ENPP7: variants seen among roughly 807,000 people sequenced by gnomAD.
ENPP7 encodes ectonucleotide pyrophosphatase/phosphodiesterase family member 7.
Under a neutral mutation model 33.6 loss-of-function variants are expected in ENPP7, and 39 were observed. That is an observed-to-expected ratio of 1.16 (90% CI 0.90 to 1.52). The LOEUF is 1.52. ENPP7 is among the 40% of genes most tolerant of loss of function. The pLI is 0.00. For synonymous variants in ENPP7, 244 were observed against 274.3 expected (o/e 0.89, Z 1.09); for missense variants, 594 against 641.0 (o/e 0.93, Z 0.79).
chr17:79,735,807 C>T lies in ENPP7; in HGVS notation c.1026+138C>T. 1.3e-6 allele frequency: 1 copy of T among 786,830 alleles called. No homozygotes were observed. Among genetic ancestry groups the T allele is most frequent in the Non-Finnish European group, 2.0e-6 (1 of 504,952 alleles). The allele number at this position is 786,830 out of a possible 1,614,324, so 48.7% of individuals were successfully genotyped here. ...TGGCAGGATCTCAGCTCACTGCAGC[C>T]TTAAACTCCCAGACTCAAGCGATCC... On this transcript the variant is annotated intron_variant, in intron 3 of 5. Coordinates refer to ENST00000328313, the MANE Select transcript of ENPP7 (RefSeq NM_178543.5). The surrounding 1 kb of genome is among the most constrained non-coding windows in gnomAD (Gnocchi z 5.5).
intron 1 of ENPP7, 133 bp downstream of exon 1, chr17:79,731,525 G>A (rs183487605): frequency 1.7e-6 from 2 of 1,164,518 alleles, no homozygotes; most frequent in Admixed American, 3.0e-5. Context: ...GGACCATTAG[G>A]AATCCTCACC....
At chr17:79,732,740 T>A (rs2094288814) in intron 1 of ENPP7, among the ~76,000 whole-genome samples, 1 of 152,228 alleles carries the variant, frequency 6.6e-6, no homozygotes, top group South Asian at 2.1e-4. Context: ...TTCTCTGGTA[T>A]ACATCCCCTT....
In ENPP7 at chr17:79,742,072, C is replaced by G. The variant is rs555753239; in HGVS notation, c.*295C>G. Reference sequence around the variant, plus strand: ...GCCCCCTCCTCCTGCAAAACCCGCTCCCGAAGCGGCGCTGCCGTCTGCAGC... The same window carrying G: ...GCCCCCTCCTCCTGCAAAACCCGCTGCCGAAGCGGCGCTGCCGTCTGCAGC... On this transcript the variant is annotated 3_prime_UTR_variant, in exon 6 of 6. Transcript: ENST00000328313. 1 of 450,624 alleles carries G rather than the reference C, an allele frequency of 2.2e-6. No homozygotes were observed. Among genetic ancestry groups the G allele is most frequent in the South Asian group, 9.3e-5 (1 of 10,790 alleles). 27.9% of individuals were successfully genotyped at this position (450,624 alleles called of 1,614,324 possible).
rs782383525 is a variant in ENPP7, at chr17:79,731,358, C to T, written c.219C>T (p.Thr73=). ...KARYMTPAFV[T]MTSPCHFTLV... ...GCTACATGACCCCCGCCTTTGTCAC[C>T]ATGACCAGCCCCTGCCACTTCACCC... Residue 73 remains threonine, a synonymous_variant, in exon 1 of 6, where the codon ACC becomes ACT. Transcript: ENST00000328313. 4.3e-6 allele frequency: 7 copies of T among 1,612,598 alleles called. No individual in the cohort carries two copies. Among genetic ancestry groups the T allele is most frequent in the Non-Finnish European group, 5.9e-6 (7 of 1,179,492 alleles).
At chr17:79,731,684 C>A (rs1415673003) in intron 1 of ENPP7, among the ~76,000 whole-genome samples, 1 of 152,208 alleles carries the variant, frequency 6.6e-6, no homozygotes, top group African/African-American at 2.4e-5. Flanking sequence ...CTCCCCTGCC[C>A]GCCCCTCCAG....
chr17:79,738,122 T>G lies in ENPP7; in HGVS notation c.*16+60T>G. The G allele has an allele frequency of 6.5e-7, 1 of 1,547,222 alleles. No individual in the cohort carries two copies. The highest frequency in any genetic ancestry group is 8.8e-7 in the Non-Finnish European group (1 of 1,138,214). ...CCCCACGCTCCCTGACCCTCCACCCTGATGTCCCAGCTACAGTCCTAGGCA... is the reference window on the plus strand; with the variant it reads ...CCCCACGCTCCCTGACCCTCCACCCGGATGTCCCAGCTACAGTCCTAGGCA... On this transcript the variant is annotated intron_variant, in intron 5 of 5. Coordinates refer to ENST00000328313, the MANE Select transcript of ENPP7 (RefSeq NM_178543.5). The surrounding 1 kb of genome is among the most constrained non-coding windows in gnomAD (Gnocchi z 6.2).
chr17:79,737,112 C>T lies in ENPP7; in HGVS notation c.1098C>T (p.Phe366=), dbSNP rs2094297267. The change falls in exon 4 of 6, where the codon TTC becomes TTT. Residue 366 remains phenylalanine (F), a synonymous_variant. Coordinates refer to ENST00000328313, the MANE Select transcript of ENPP7 (RefSeq NM_178543.5). This position sits in a 1 kb window ranked among gnomAD's most constrained non-coding sequence, Gnocchi z 5.5. ...AGGACATGGACATGAAGACCATCTT[C>T]CGCGCTGTGGGCCCTAGCTTCAGGG... ...DNKDMDMKTI[F]RAVGPSFRAG... 6.2e-7 allele frequency: 1 copy of T among 1,614,200 alleles called. No individual in the cohort carries two copies. Among genetic ancestry groups the T allele is most frequent in the Non-Finnish European group, 8.5e-7 (1 of 1,180,032 alleles).
intron 2 of ENPP7, among the ~76,000 whole-genome samples, chr17:79,734,516 C>T (rs1369905242): frequency 2.7e-5 from 4 of 145,480 alleles, no homozygotes; most frequent in Non-Finnish European, 6.0e-5. Context: ...CTCGCTCTGT[C>T]GCCCAGGCTG....
At position 79,737,498 on chromosome 17, in the gene ENPP7, G is replaced by A. The variant is rs2094298124; in HGVS notation, c.1246+238G>A. ...AGGAGTGGGCAGTCTTGCTCAAGAA[G>A]GGGCTGGAGGGAGCGAGGGTGGCCC... On this transcript the variant is annotated intron_variant, in intron 4 of 5. Coordinates refer to ENST00000328313, the MANE Select transcript of ENPP7 (RefSeq NM_178543.5). The surrounding 1 kb of genome is among the most constrained non-coding windows in gnomAD (Gnocchi z 5.5). 6.6e-6 allele frequency among the ~76,000 whole-genome samples: 1 copy of A among 152,136 alleles called. No homozygotes were observed. The highest frequency in any genetic ancestry group is 2.1e-4 in the South Asian group (1 of 4,834).
Position 79,741,985 on chromosome 17 carries a change from C to T in ENPP7, c.*208C>T. ...CCTCGCAGCCCAGGTCCAGAGCCCC[C>T]GGCGAGCCGGTCCCATAACCGGCCC... On this transcript the variant is annotated 3_prime_UTR_variant, in exon 6 of 6. Transcript: ENST00000328313. The T allele has an allele frequency of 2.0e-6, 2 of 983,670 alleles. No individual in the cohort carries two copies. The highest frequency in any genetic ancestry group is 2.4e-6 in the Non-Finnish European group (2 of 828,078). The allele number at this position is 983,670 out of a possible 1,614,324, so 60.9% of individuals were successfully genotyped here.
At position 79,735,071 on chromosome 17, in the gene ENPP7, C is replaced by T. The variant is rs375944593; in HGVS notation, c.428C>T (p.Pro143Leu). 9.5e-5 allele frequency: 153 copies of T among 1,612,830 alleles called. No homozygotes were observed. Among genetic ancestry groups the T allele is most frequent in the Middle Eastern group, 3.3e-4 (2 of 6,084 alleles). The stretch of plus-strand genomic sequence containing the variant: ...CTGAGGGCTGGCTCCTTCTTCTACC[C>T]GGGCGGGAACGTCACCTACCAAGGG... ...QGLRAGSFFY[P>L]GGNVTYQGVA... Residue 143 changes from proline (P) to leucine (L), a missense_variant, in exon 3 of 6, where the codon CCG (proline) becomes CTG (leucine). Transcript: ENST00000328313. The surrounding 1 kb of genome is among the most constrained non-coding windows in gnomAD (Gnocchi z 5.5).
chr17:79,737,766 C>T lies in ENPP7; in HGVS notation c.1247-150C>T, dbSNP rs558937023. 3 of 860,872 alleles carry T rather than the reference C, an allele frequency of 3.5e-6. No individual in the cohort carries two copies. In the Admixed American group the frequency reaches 6.2e-5, roughly 18 times the overall value. The allele number at this position is 860,872 out of a possible 1,614,324, so 53.3% of individuals were successfully genotyped here. On this transcript the variant is annotated intron_variant, in intron 4 of 5. Coordinates refer to ENST00000328313, the MANE Select transcript of ENPP7 (RefSeq NM_178543.5). The surrounding 1 kb of genome is among the most constrained non-coding windows in gnomAD (Gnocchi z 5.5). ...CTCTACTGAGCAGGGCTATGAAGGG[C>T]CGTGGTGGACAAAGGCCATGGGACC...
Position 79,733,643 on chromosome 17 carries a change from C to T in ENPP7, c.389C>T (p.Ala130Val), listed in dbSNP as rs782439906. Reference sequence around the variant, plus strand: ...GGCAGCGTGCCCATCTGGATCACAGCCCAGAGGCAGGTAATGTCACCCCCG... The same window carrying T: ...GGCAGCGTGCCCATCTGGATCACAGTCCAGAGGCAGGTAATGTCACCCCCG... ...DNGSVPIWIT[A>V]QRQGLRAGSF... The change falls in exon 2 of 6, where the codon GCC (alanine) becomes GTC (valine). Residue 130 changes from alanine (A) to valine (V), a missense_variant. By Grantham distance (64) the Ala-to-Val change is moderately conservative. This residue lies in a region of ENPP7 where 504 missense variants were observed against 512.8 expected (regional missense o/e 0.98). Coordinates refer to ENST00000328313, the MANE Select transcript of ENPP7 (RefSeq NM_178543.5). The T allele has an allele frequency of 1.8e-5, 29 of 1,611,336 alleles. No individual in the cohort carries two copies. In the South Asian group the frequency reaches 2.7e-4, roughly 15 times the overall value.
chr17:79,737,773 G>A lies in ENPP7; in HGVS notation c.1247-143G>A. 1.1e-6 allele frequency: 1 copy of A among 919,918 alleles called. No homozygotes were observed. The highest frequency in any genetic ancestry group is 1.7e-6 in the Non-Finnish European group (1 of 590,482). 57.0% of individuals were successfully genotyped at this position (919,918 alleles called of 1,614,324 possible). ...GAGCAGGGCTATGAAGGGCCGTGGT[G>A]GACAAAGGCCATGGGACCAAGGGGG... is the stretch of plus-strand genomic sequence containing the variant. On this transcript the variant is annotated intron_variant, in intron 4 of 5. Coordinates refer to ENST00000328313, the MANE Select transcript of ENPP7 (RefSeq NM_178543.5). The surrounding 1 kb of genome is among the most constrained non-coding windows in gnomAD (Gnocchi z 5.5).
chr17:79,733,846 T>C (rs868918029), intron 2 of ENPP7, among the ~76,000 whole-genome samples, 193 bp downstream of exon 2: 3 of 152,070 alleles, frequency 2.0e-5, no homozygotes, highest in Non-Finnish European at 4.4e-5. Flanking sequence ...TGGTGAGGAC[T>C]AACCAGTGAG....
intron 2 of ENPP7, among the ~76,000 whole-genome samples, chr17:79,734,612 G>C (rs975571949): frequency 6.6e-6 from 1 of 152,004 alleles, no homozygotes; most frequent in South Asian, 2.1e-4. Context: ...CAAGTAACTG[G>C]GACTACAGGC....
At position 79,737,502 on chromosome 17, in the gene ENPP7, C is replaced by A. The variant is rs114534186; in HGVS notation, c.1246+242C>A. 8.2e-3 allele frequency among the ~76,000 whole-genome samples: 1,251 copies of A among 152,268 alleles called. 15 individuals are homozygous for A. The highest frequency in any genetic ancestry group is 0.028 in the African/African-American group (1,161 of 41,564). On this transcript the variant is annotated intron_variant, in intron 4 of 5. Coordinates refer to ENST00000328313, the MANE Select transcript of ENPP7 (RefSeq NM_178543.5). The surrounding 1 kb of genome is among the most constrained non-coding windows in gnomAD (Gnocchi z 5.5). ...GTGGGCAGTCTTGCTCAAGAAGGGG[C>A]TGGAGGGAGCGAGGGTGGCCCAGGC... is the stretch of plus-strand genomic sequence containing the variant.
At chr17:79,736,060 T>A (rs77246697) in intron 3 of ENPP7, among the ~76,000 whole-genome samples, 5,271 of 152,254 alleles carry the variant, frequency 0.035, 148 homozygotes, top group African/African-American at 0.074. Flanking sequence ...CCTGCCACCA[T>A]GCCTGACTAA....
Position 79,737,128 on chromosome 17 carries a change from A to C in ENPP7, c.1114A>C (p.Ser372Arg). The C allele has an allele frequency of 1.9e-6, 3 of 1,614,136 alleles. No individual in the cohort carries two copies. In the South Asian group the frequency reaches 3.3e-5, roughly 18 times the overall value. The change falls in exon 4 of 6, where the codon AGC becomes CGC. Residue 372 changes from serine to arginine, a missense_variant. Coordinates refer to ENST00000328313, the MANE Select transcript of ENPP7 (RefSeq NM_178543.5). This position sits in a 1 kb window ranked among gnomAD's most constrained non-coding sequence, Gnocchi z 5.5. ...GACCATCTTCCGCGCTGTGGGCCCTAGCTTCAGGGCGGGCCTGGAGGTGGA... is the reference window on the plus strand; with the variant it reads ...GACCATCTTCCGCGCTGTGGGCCCTCGCTTCAGGGCGGGCCTGGAGGTGGA... ...MKTIFRAVGP[S>R]FRAGLEVEPF...
Sources: allele counts gnomAD v4.1 joint callset (sites outside exome capture counted in the v4.1 genomes callset), GRCh38; gene constraint gnomAD v4.1.1; regional missense constraint gnomAD v4.1.1; non-coding constraint Gnocchi (gnomAD v3.1); transcripts MANE v1.5; gene names NCBI Gene and HGNC (gene_info 2026-07-23, HGNC 2026-07-21).